Variants in IQCM observed in about 807,000 individuals in gnomAD.
The protein encoded by IQCM is IQ domain-containing protein M.
Under a neutral mutation model 57.6 loss-of-function variants are expected in IQCM, and 45 were observed. The observed-to-expected ratio is 0.78, with a 90% CI of 0.62 to 1.00. The LOEUF is 1.00. IQCM is among the 50% of genes least tolerant of loss of function. The pLI, the probability that IQCM is intolerant of heterozygous loss-of-function variation, is 0.00. For missense variants in IQCM, 468 were observed against 511.6 expected (o/e 0.91, Z 0.82); for synonymous variants, 148 against 158.9 (o/e 0.93, Z 0.51).
intron 12 of IQCM, among the ~76,000 whole-genome samples, chr4:149,440,815 T>C (rs997639377): frequency 3.9e-5 from 6 of 152,158 alleles, no homozygotes; most frequent in Admixed American, 1.3e-4. Flanking sequence ...TTTAACTTTT[T>C]AGACTTCGTT....
intron 10 of IQCM, among the ~76,000 whole-genome samples, chr4:149,556,614 A>G (rs1040729672): frequency 2.0e-5 from 3 of 152,224 alleles, no homozygotes; most frequent in African/African-American, 7.2e-5. Flanking sequence ...TAAAAACAAA[A>G]GGGAAAATGT....
At chr4:149,622,880 C>G (rs929135381) in intron 7 of IQCM, among the ~76,000 whole-genome samples, 2 of 152,180 alleles carry the variant, frequency 1.3e-5, no homozygotes, top group South Asian at 2.1e-4. Context: ...TTTAGATAAT[C>G]ATGCTTCTCT....
chr4:149,548,679 G>T (rs894163390), intron 11 of IQCM, 90 bp from the exon 12 acceptor site: 12 of 599,776 alleles, frequency 2.0e-5, no homozygotes, highest in Non-Finnish European at 2.7e-5. Flanking sequence ...CTGTCTACCA[G>T]TAAGTCTCCA....
chr4:149,358,565 T>A (rs1729181068), intron 13 of IQCM, among the ~76,000 whole-genome samples: 1 of 152,024 alleles, frequency 6.6e-6, no homozygotes, highest in Admixed American at 6.6e-5. Flanking sequence ...TTTGAGTGAG[T>A]TTCTTAATCC....
chr4:149,412,663 T>C (rs892133296), intron 13 of IQCM, among the ~76,000 whole-genome samples: 1 of 152,198 alleles, frequency 6.6e-6, no homozygotes, highest in African/African-American at 2.4e-5. Context: ...AAAAGACAGA[T>C]ATGTATAGAT....
chr4:149,683,318 G>A (rs1309680641), intron 6 of IQCM, among the ~76,000 whole-genome samples: 1 of 151,068 alleles, frequency 6.6e-6, no homozygotes, highest in Non-Finnish European at 1.5e-5. Context: ...TAAAATGTTG[G>A]TTTGAAAATT....
intron 12 of IQCM, among the ~76,000 whole-genome samples, chr4:149,491,062 C>T (rs1157095051): frequency 6.6e-6 from 1 of 152,086 alleles, no homozygotes; most frequent in African/African-American, 2.4e-5. Context: ...CATTCACCAT[C>T]TTGTGGAACT....
intron 13 of IQCM, among the ~76,000 whole-genome samples, chr4:149,429,732 T>C (rs1429242696): frequency 6.6e-6 from 1 of 151,766 alleles, no homozygotes; most frequent in Non-Finnish European, 1.5e-5. Context: ...AGTTAAGGAG[T>C]TACTCAGTTT....
chr4:149,720,288 T>A (rs1434847877), intron 5 of IQCM, among the ~76,000 whole-genome samples: 2 of 152,374 alleles, frequency 1.3e-5, no homozygotes, highest in Non-Finnish European at 2.9e-5. Flanking sequence ...TGTGTTTCAA[T>A]TGCTTCTAAA....
chr4:149,545,774 C>T (rs1335089648), intron 12 of IQCM, among the ~76,000 whole-genome samples: 2 of 151,642 alleles, frequency 1.3e-5, no homozygotes, highest in East Asian at 3.9e-4. Flanking sequence ...GATAAGAAAG[C>T]AACCTAAGTG....
intron 8 of IQCM, among the ~76,000 whole-genome samples, chr4:149,594,100 A>G (rs1753513050): frequency 6.6e-6 from 1 of 151,894 alleles, no homozygotes; most frequent in South Asian, 2.1e-4. Flanking sequence ...ACTATTTTTG[A>G]TTGGTAGGCT....
At chr4:149,756,291 T>A (rs906085355) in intron 2 of IQCM, among the ~76,000 whole-genome samples, 3 of 152,162 alleles carry the variant, frequency 2.0e-5, no homozygotes, top group Non-Finnish European at 4.4e-5. Context: ...AGAAAAAAGA[T>A]AGGCTATCTA....
intron 12 of IQCM, among the ~76,000 whole-genome samples, chr4:149,446,315 C>T (rs894798983): frequency 4.0e-5 from 6 of 151,558 alleles, no homozygotes; most frequent in South Asian, 2.1e-4. Context: ...GGATTCTTTG[C>T]GGTAAGCTAA....
intron 7 of IQCM, among the ~76,000 whole-genome samples, chr4:149,655,103 G>A (rs1759523665): frequency 6.6e-6 from 1 of 152,008 alleles, no homozygotes. Context: ...ATACATGAAT[G>A]ACCTACCTGT....
intron 8 of IQCM, among the ~76,000 whole-genome samples, chr4:149,619,789 G>A (rs1280026559): frequency 6.6e-6 from 1 of 152,186 alleles, no homozygotes; most frequent in Non-Finnish European, 1.5e-5. Flanking sequence ...CTTTAAGGAG[G>A]TAATTAAGAT....
intron 7 of IQCM, among the ~76,000 whole-genome samples, chr4:149,645,826 C>T (rs1407062956): frequency 1.3e-5 from 2 of 152,090 alleles, no homozygotes; most frequent in Admixed American, 1.3e-4. Flanking sequence ...CCTCTCCTCA[C>T]CTATCCCCTC....
chr4:149,815,648 C>CA lies in IQCM; in HGVS notation c.-136dup, dbSNP rs1774994634. On this transcript the variant is annotated 5_prime_UTR_variant, in exon 1 of 14. An upstream open reading frame in the 5' UTR loses its in-frame stop. Transcript: ENST00000636793. The stretch of plus-strand genomic sequence containing the variant: ...ACTTCTAGAAACAAATTCACTGCCC[C>CA]AAAATCATAATAATCTCAGTTGCTT... 6.6e-6 allele frequency: 1 copy of CA among 151,922 alleles called. No homozygotes were observed. Among genetic ancestry groups the CA allele is most frequent in the Non-Finnish European group, 1.5e-5 (1 of 67,878 alleles). The allele number at this position is 151,922 out of a possible 1,614,324, so 9.4% of individuals were successfully genotyped here.
In IQCM at chr4:149,553,199, C is replaced by T; in HGVS notation, c.1037G>A (p.Arg346Lys). 1 of 1,231,974 alleles carries T rather than the reference C, an allele frequency of 8.1e-7. No individual in the cohort carries two copies. The highest frequency in any genetic ancestry group is 1.0e-6 in the Non-Finnish European group (1 of 987,866). 76.3% of individuals were successfully genotyped at this position (1,231,974 alleles called of 1,614,324 possible). ...TGCTAAGTTGAGAATTTGTCTTGTCCTCCAAAGACCACGTCGATATCTAAC... is the reference window on the plus strand; with the variant it reads ...TGCTAAGTTGAGAATTTGTCTTGTCTTCCAAAGACCACGTCGATATCTAAC... ...HRVRYRRGLW[R>K]TRQILNLAEL... is the part of the protein sequence containing the mutation. Residue 346 changes from arginine (R) to lysine (K), a missense_variant, in exon 11 of 14, where the codon AGG becomes AAG. Coordinates refer to ENST00000636793, the MANE Select transcript of IQCM (RefSeq NM_001363507.2).
At chr4:149,619,897 C>T (rs1381665953) in intron 8 of IQCM, among the ~76,000 whole-genome samples, 1 of 152,156 alleles carries the variant, frequency 6.6e-6, no homozygotes, top group African/African-American at 2.4e-5. Context: ...TGGCTGACAC[C>T]TGTAATCCCA....
Sources: allele counts gnomAD v4.1 joint callset (sites outside exome capture counted in the v4.1 genomes callset), GRCh38; gene constraint gnomAD v4.1.1; transcripts MANE v1.5; gene names NCBI Gene and HGNC (gene_info 2026-07-23, HGNC 2026-07-21).